SEC24A: variants seen among roughly 807,000 people sequenced by gnomAD.
The protein encoded by SEC24A is SEC24 homolog A, COPII component.
A neutral mutation model predicts 129.4 loss-of-function variants in SEC24A; 93 were observed. The observed-to-expected ratio is 0.72, with a 90% CI of 0.61 to 0.85. The LOEUF is 0.85. SEC24A is among the 40% of genes least tolerant of loss of function. The pLI, the probability that SEC24A is intolerant of heterozygous loss-of-function variation, is 0.00. For missense variants in SEC24A, 1,264 were observed against 1,307.4 expected (o/e 0.97, Z 0.51); for synonymous variants, 460 against 467.3 (o/e 0.98, Z 0.20).
rs1752076041 is a variant in SEC24A at position 134,703,870 on chromosome 5, A to C, written c.2378A>C (p.Glu793Ala). 6.2e-7 allele frequency: 1 copy of C among 1,610,734 alleles called. No homozygotes were observed. Among genetic ancestry groups the C allele is most frequent in the East Asian group, 2.2e-5 (1 of 44,828 alleles). The change falls in exon 16 of 23, where the codon GAG becomes GCG. Residue 793 changes from glutamate (E) to alanine (A), a missense_variant. By Grantham distance (107) the Glu-to-Ala change is moderately radical (BLOSUM62 -1). Coordinates refer to ENST00000398844, the MANE Select transcript of SEC24A (RefSeq NM_021982.3). ...TATGCAGTACAGATGTCAGTGGAAG[A>C]GAGTCTTACTGACACTCAGTTGGTT... is the stretch of plus-strand genomic sequence containing the variant. ...AGYAVQMSVE[E>A]SLTDTQLVSF...
intron 18 of SEC24A, among the ~76,000 whole-genome samples, chr5:134,709,557 T>TA (rs1286706569): frequency 2.6e-5 from 4 of 152,138 alleles, no homozygotes; most frequent in Non-Finnish European, 4.4e-5. Context: ...ATGTGAAAGC[T>TA]AAAAAATCAA....
Position 134,701,537 on chromosome 5 carries a change from G to C in SEC24A, c.2267-2222G>C, listed in dbSNP as rs182670702. 8.0e-3 allele frequency among the ~76,000 whole-genome samples: 1,190 copies of C among 148,494 alleles called. 3 individuals are homozygous for C. Among genetic ancestry groups the C allele is most frequent in the Non-Finnish European group, 0.013 (891 of 67,574 alleles). On this transcript the variant is annotated intron_variant, in intron 15 of 22. Coordinates refer to ENST00000398844, the MANE Select transcript of SEC24A (RefSeq NM_021982.3). Reference sequence around the variant, plus strand: ...TCTTTTTTTTTTTTTTTGAGACGGAGTCTCGGTCTGTCGTCCAGGCTGGAG... The same window carrying C: ...TCTTTTTTTTTTTTTTTGAGACGGACTCTCGGTCTGTCGTCCAGGCTGGAG...
chr5:134,652,080 C>A (rs1289175251), intron 1 of SEC24A, among the ~76,000 whole-genome samples: 2 of 150,528 alleles, frequency 1.3e-5, no homozygotes, highest in East Asian at 2.0e-4. Context: ...TGCCACCACA[C>A]CCGGCTAATT....
At chr5:134,696,705 A>G (rs1462714305) in intron 13 of SEC24A, among the ~76,000 whole-genome samples, 1 of 151,800 alleles carries the variant, frequency 6.6e-6, no homozygotes, top group East Asian at 1.9e-4. Flanking sequence ...TCACCATGTT[A>G]GCCAGGATGG....
At chr5:134,681,548 A>G (rs959725532) in intron 8 of SEC24A, among the ~76,000 whole-genome samples, 20 of 152,210 alleles carry the variant, frequency 1.3e-4, no homozygotes, top group African/African-American at 4.3e-4. Context: ...GAAAATGTAC[A>G]TGAAGTATTT....
chr5:134,669,922 T>C (rs1367697047), intron 3 of SEC24A, among the ~76,000 whole-genome samples: 1 of 152,056 alleles, frequency 6.6e-6, no homozygotes, highest in Non-Finnish European at 1.5e-5. Flanking sequence ...TTTTATTTAT[T>C]TTTGAGACAT....
intron 10 of SEC24A, 98 bp downstream of exon 10, chr5:134,687,000 T>C: frequency 1.7e-6 from 1 of 600,694 alleles, no homozygotes; most frequent in Non-Finnish European, 2.7e-6. Flanking sequence ...ATAATTATGT[T>C]CTAAAACTCC....
chr5:134,686,972 T>C, intron 10 of SEC24A, 70 bp downstream of exon 10: 2 of 871,138 alleles, frequency 2.3e-6, no homozygotes, highest in South Asian at 1.8e-5. Flanking sequence ...GTTTTTGAAA[T>C]TAAAAAATAA....
intron 9 of SEC24A, among the ~76,000 whole-genome samples, chr5:134,686,016 GTTT>G (rs1751439553): frequency 6.6e-6 from 1 of 151,886 alleles, no homozygotes; most frequent in East Asian, 1.9e-4. Context: ...ACAGTCTTAT[GTTT>G]TTATGAGATT....
intron 13 of SEC24A, among the ~76,000 whole-genome samples, chr5:134,696,787 C>T (rs1482265305): frequency 2.6e-5 from 4 of 151,666 alleles, no homozygotes; most frequent in South Asian, 2.1e-4. Context: ...CGTGAGCCAC[C>T]GCACCCGGCC....
chr5:134,707,872 CAG>C (rs1459607716), intron 17 of SEC24A, among the ~76,000 whole-genome samples: 3 of 151,934 alleles, frequency 2.0e-5, no homozygotes, highest in East Asian at 3.8e-4. Flanking sequence ...TGCGTATAAA[CAG>C]AGTGTCATGG....
At chr5:134,654,672 G>A (rs1750179813) in intron 1 of SEC24A, among the ~76,000 whole-genome samples, 1 of 152,028 alleles carries the variant, frequency 6.6e-6, no homozygotes, top group African/African-American at 2.4e-5. Context: ...TGCCTTTATT[G>A]ACTGAATCAA....
At position 134,648,849 on chromosome 5, in the gene SEC24A, C is replaced by G. The variant is rs899672991; in HGVS notation, c.-228C>G. ...CTGCCGCCTTCTAGCCGGGCGTTCG[C>G]GGCCCCGCCGGCCCGACTCTCAAGC... On this transcript the variant is annotated 5_prime_UTR_variant, in exon 1 of 23. Coordinates refer to ENST00000398844, the MANE Select transcript of SEC24A (RefSeq NM_021982.3). 7.7e-6 allele frequency: 3 copies of G among 388,336 alleles called. No homozygotes were observed. The highest frequency in any genetic ancestry group is 4.2e-5 in the African/African-American group (2 of 47,758). 24.1% of individuals were successfully genotyped at this position (388,336 alleles called of 1,614,324 possible).
intron 3 of SEC24A, among the ~76,000 whole-genome samples, chr5:134,670,249 A>T (rs768316966): frequency 2.9e-4 from 44 of 152,228 alleles, no homozygotes; most frequent in Non-Finnish European, 2.5e-4. Context: ...AACTAAAAAT[A>T]ATTCACAATA....
intron 18 of SEC24A, among the ~76,000 whole-genome samples, chr5:134,713,672 TA>T (rs1752394708): frequency 6.6e-6 from 1 of 152,138 alleles, no homozygotes; most frequent in African/African-American, 2.4e-5. Context: ...TTTTAATACG[TA>T]ATTTCATTAT....
chr5:134,689,315 C>T (rs549745758), intron 11 of SEC24A, among the ~76,000 whole-genome samples: 3 of 152,158 alleles, frequency 2.0e-5, no homozygotes, highest in Non-Finnish European at 2.9e-5. Context: ...GCAATTCCAC[C>T]GTTCAATATA....
At chr5:134,658,248 G>A (rs773326330) in intron 1 of SEC24A, among the ~76,000 whole-genome samples, 2 of 152,072 alleles carry the variant, frequency 1.3e-5, no homozygotes, top group African/African-American at 4.8e-5. Context: ...TTTAGCTTGG[G>A]CAACAGAGCG....
At chr5:134,710,266 C>T (rs1752283666) in intron 18 of SEC24A, among the ~76,000 whole-genome samples, 1 of 151,430 alleles carries the variant, frequency 6.6e-6, no homozygotes, top group Non-Finnish European at 1.5e-5. Flanking sequence ...GGCTGGAGCG[C>T]AGTGGCACGA....
intron 12 of SEC24A, chr5:134,693,252 ACT>A (rs1245576075): frequency 6.8e-7 from 1 of 1,460,472 alleles, no homozygotes; most frequent in Non-Finnish European, 9.0e-7. Flanking sequence ...TTCCCCATTA[ACT>A]CTATTTGTAC....
Sources: gnomAD v4.1 joint callset for allele counts (sites outside exome capture counted in the v4.1 genomes callset) on GRCh38, gnomAD v4.1.1 for gene constraint, MANE v1.5 for transcripts, NCBI Gene and HGNC (gene_info 2026-07-23, HGNC 2026-07-21) for gene names.